TMED3: variants seen among roughly 807,000 people sequenced by gnomAD.
The protein encoded by TMED3 is transmembrane emp24 domain-containing protein 3.
In TMED3, 9 loss-of-function variants were observed where a neutral mutation model predicts 15.0. The observed-to-expected ratio is 0.60, with a 90% confidence interval of 0.36 to 1.04. The LOEUF is 1.04. Among genes scored for constraint, TMED3 ranks in the 50% least tolerant of loss-of-function variants. The pLI is 0.01. For synonymous variants in TMED3, 117 were observed against 121.4 expected (o/e 0.96, Z 0.24); for missense variants, 267 against 278.9 (o/e 0.96, Z 0.30).
chr15:79,380,505 ATATATATAGT>A (rs922224167), intron 2 of TMED3, among the ~76,000 whole-genome samples: 32 of 146,872 alleles, frequency 2.2e-4, no homozygotes, highest in South Asian at 4.3e-4. Flanking sequence ...ATATATAGTT[ATATATATAGT>A]TATATATAGT....
At chr15:79,375,220 G>A (rs1893404083) in intron 2 of TMED3, among the ~76,000 whole-genome samples, 4 of 152,136 alleles carry the variant, frequency 2.6e-5, no homozygotes, top group Admixed American at 2.6e-4. Context: ...CCAGGAAGGA[G>A]GAGAGGGTCT....
chr15:79,403,220 CAAAAAAAAAAAAAAAAAAA>C (rs71150908), intron 2 of TMED3, among the ~76,000 whole-genome samples: 1 of 65,420 alleles, frequency 1.5e-5, no homozygotes, highest in African/African-American at 7.7e-5. Flanking sequence ...GACTCTGTCT[CAAAAAAAAAAAAAAAAAAA>C]AAAAAAAAAA....
chr15:79,396,581 G>C (rs1314319490), intron 2 of TMED3, among the ~76,000 whole-genome samples: 1 of 152,230 alleles, frequency 6.6e-6, no homozygotes, highest in Non-Finnish European at 1.5e-5. Context: ...TCCAGTGTAA[G>C]TGTTCCTAAT....
intron 2 of TMED3, among the ~76,000 whole-genome samples, chr15:79,375,036 G>C (rs560124995): frequency 1.1e-4 from 16 of 152,308 alleles, no homozygotes; most frequent in African/African-American, 3.8e-4. Flanking sequence ...CACAATGCTA[G>C]ATACACTCGT....
chr15:79,333,617 A>G (rs534462822), intron 2 of TMED3, among the ~76,000 whole-genome samples: 1 of 152,298 alleles, frequency 6.6e-6, no homozygotes, highest in African/African-American at 2.4e-5. Flanking sequence ...TACACTTTTG[A>G]TCACATCCTG....
At chr15:79,384,776 C>G (rs1253786943) in intron 2 of TMED3, 3 of 152,148 alleles carry the variant, frequency 2.0e-5, no homozygotes, top group Non-Finnish European at 2.9e-5. Flanking sequence ...AATCCCAGCA[C>G]TTTGGGTGGC....
intron 2 of TMED3, among the ~76,000 whole-genome samples, chr15:79,353,659 T>A (rs1289669998): frequency 1.3e-5 from 2 of 151,292 alleles, no homozygotes; most frequent in Admixed American, 1.3e-4. Flanking sequence ...TCACCATGAT[T>A]TTTTTCTCGA....
chr15:79,325,721 C>T (rs1230384203), downstream of TMED3, among the ~76,000 whole-genome samples: 3 of 152,136 alleles, frequency 2.0e-5, no homozygotes, highest in Non-Finnish European at 2.9e-5. Flanking sequence ...AGCCTTCAGT[C>T]TGTGGCCAGA....
At chr15:79,384,901 A>C (rs144727632) in intron 2 of TMED3, among the ~76,000 whole-genome samples, 33 of 152,290 alleles carry the variant, frequency 2.2e-4, no homozygotes, top group African/African-American at 7.9e-4. Context: ...AATTAGAAGC[A>C]GCTGCAGTCC....
At chr15:79,326,136 C>G (rs1363939274), downstream of TMED3, among the ~76,000 whole-genome samples, 1 of 152,144 alleles carries the variant, frequency 6.6e-6, no homozygotes, top group Non-Finnish European at 1.5e-5. Context: ...ACCAGACAAA[C>G]ATCATAATGA....
chr15:79,329,920 A>G (rs552806578), intron 2 of TMED3, among the ~76,000 whole-genome samples: 62 of 152,326 alleles, frequency 4.1e-4, no homozygotes, highest in African/African-American at 1.5e-3. Context: ...AAGAAGTCAT[A>G]AAAAGAACCA....
Position 79,313,609 on chromosome 15 carries a change from T to C in TMED3, c.169-148T>C, listed in dbSNP as rs1243181720. ...TTTATTTAACCTTGCTCAGCCTTAG[T>C]AAAATGAGAAGTGGCGTAGCACCTG... On this transcript the variant is annotated intron_variant, in intron 1 of 2. Transcript: ENST00000299705. 3.7e-6 allele frequency: 4 copies of C among 1,072,146 alleles called. No individual in the cohort carries two copies. The African/African-American group carries it at 4.8e-5, about 13-fold the overall frequency. 66.4% of individuals were successfully genotyped at this position (1,072,146 alleles called of 1,614,324 possible). A position where few individuals can be genotyped will look rare whatever the true frequency, so the allele number is the denominator to read the frequency against.
In TMED3 at chr15:79,313,805, C is replaced by T; in HGVS notation, c.217C>T (p.Gln73Ter). 1 of 1,614,212 alleles carries T rather than the reference C, an allele frequency of 6.2e-7. No individual in the cohort carries two copies. The highest frequency in any genetic ancestry group is 8.5e-7 in the Non-Finnish European group (1 of 1,180,046). Residue 73 changes from glutamine (Q) to a stop codon, truncating the protein, a stop_gained, in exon 2 of 3, where the codon CAG becomes TAG. Transcript: ENST00000299705. LOFTEE classifies it high-confidence loss of function. ...TGTTGACTGCTATGTAGAGGACCCC[C>T]AGGGGAACACCATCTACAGAGAAAC... is the stretch of plus-strand genomic sequence containing the variant. Reference protein sequence around the residue: ...YDVDCYVEDPQGNTIYRETKK... With the variant: ...YDVDCYVEDP
chr15:79,392,507 G>A (rs1333951809), intron 2 of TMED3, among the ~76,000 whole-genome samples: 1 of 152,122 alleles, frequency 6.6e-6, no homozygotes, highest in African/African-American at 2.4e-5. Flanking sequence ...GTTACCTGGT[G>A]CTTTTGTCTC....
intron 2 of TMED3, among the ~76,000 whole-genome samples, chr15:79,354,369 A>G (rs3817111): frequency 0.15 from 22,766 of 152,100 alleles, 1,656 homozygotes; most frequent in Middle Eastern, 0.2. Flanking sequence ...CCTCAGCTAG[A>G]CAGATCCTGG....
chr15:79,383,707 A>C (rs1213713051), intron 2 of TMED3: 1 of 152,272 alleles, frequency 6.6e-6, no homozygotes, highest in Non-Finnish European at 1.5e-5. Flanking sequence ...CATACGACTG[A>C]CTTTGATCTC....
intron 2 of TMED3, among the ~76,000 whole-genome samples, chr15:79,317,402 G>T (rs1478582122): frequency 6.6e-6 from 1 of 152,178 alleles, no homozygotes; most frequent in African/African-American, 2.4e-5. Flanking sequence ...ATGCTGACCA[G>T]TACTGCTGAA....
At position 79,311,146 on chromosome 15, in the gene TMED3, T is replaced by G; in HGVS notation, c.-104T>G. 3 of 1,294,964 alleles carry G rather than the reference T, an allele frequency of 2.3e-6. No homozygotes were observed. The highest frequency in any genetic ancestry group is 3.1e-6 in the Non-Finnish European group (3 of 975,384). The allele number at this position is 1,294,964 out of a possible 1,614,324, so 80.2% of individuals were successfully genotyped here. A position where few individuals can be genotyped will look rare whatever the true frequency, so the allele number is the denominator to read the frequency against. ...AGCGCAGAGCTCCGCTGGTGCCACG[T>G]CTATCCCCTTACATCCTCCTAGGAC... On this transcript the variant is annotated 5_prime_UTR_variant, in exon 1 of 3. Transcript: ENST00000299705.
At chr15:79,379,612 G>T (rs1893486605) in intron 2 of TMED3, among the ~76,000 whole-genome samples, 1 of 152,116 alleles carries the variant, frequency 6.6e-6, no homozygotes, top group Non-Finnish European at 1.5e-5. Flanking sequence ...AAGAAGCTAG[G>T]TATATGAGGC....
Sources: allele counts gnomAD v4.1 joint callset (sites outside exome capture counted in the v4.1 genomes callset), GRCh38; gene constraint gnomAD v4.1.1; transcripts MANE v1.5; gene names NCBI Gene and HGNC (gene_info 2026-07-23, HGNC 2026-07-21).